SNAPC3: variants seen among roughly 807,000 people sequenced by gnomAD.
SNAPC3 encodes the protein small nuclear RNA activating complex polypeptide 3.
A neutral mutation model predicts 47.7 loss-of-function variants in SNAPC3; 56 were observed. The observed-to-expected ratio is 1.18, with a 90% confidence interval of 0.95 to 1.47. The LOEUF (loss-of-function observed/expected upper bound fraction) is 1.47. Ranked by LOEUF, SNAPC3 falls within the 40% of genes most tolerant of loss-of-function variation. SNAPC3 has a pLI of 0.00. For synonymous variants in SNAPC3, 235 were observed against 189.9 expected, an observed-to-expected ratio of 1.24 and a Z score of -1.95; for missense variants, 665 against 511.3, an observed-to-expected ratio of 1.30 and a Z score of -2.90.
At chr9:15,448,430 C>G (rs1342213582) in intron 5 of SNAPC3, among the ~76,000 whole-genome samples, 2 of 152,218 alleles carry the variant, frequency 1.3e-5, no homozygotes, top group East Asian at 3.8e-4. Context: ...TTCCCTACTT[C>G]ATCCGTTTTG....
intron 3 of SNAPC3, among the ~76,000 whole-genome samples, chr9:15,438,489 T>A (rs1440603280): frequency 6.6e-6 from 1 of 152,114 alleles, no homozygotes; most frequent in East Asian, 1.9e-4. Context: ...CTTTATAATT[T>A]TCATTTTTTT....
intron 5 of SNAPC3, among the ~76,000 whole-genome samples, chr9:15,449,391 A>C (rs1205754054): frequency 6.6e-6 from 1 of 151,892 alleles, no homozygotes; most frequent in Non-Finnish European, 1.5e-5. Context: ...AGAAGGTTTT[A>C]ACCAGGCTTT....
intron 2 of SNAPC3, among the ~76,000 whole-genome samples, chr9:15,428,731 T>C (rs563651877): frequency 9.2e-5 from 14 of 151,884 alleles, no homozygotes; most frequent in African/African-American, 3.4e-4. Context: ...GAATAAATTG[T>C]AAGATACCTA....
intron 3 of SNAPC3, among the ~76,000 whole-genome samples, chr9:15,444,213 CTG>C (rs1373001110): frequency 3.3e-5 from 5 of 152,228 alleles, no homozygotes; most frequent in African/African-American, 1.2e-4. Context: ...GAGTAAATCA[CTG>C]AACCTCTGAG....
At position 15,447,192 on chromosome 9, in the gene SNAPC3, TTGG is replaced by T; in HGVS notation, c.686_688del (p.Gly229del). On this transcript the variant is annotated inframe_deletion, in exon 5 of 9. Coordinates refer to ENST00000380821, the MANE Select transcript of SNAPC3 (RefSeq NM_001039697.2). Reference sequence around the variant, plus strand: ...ATTCGATGTGTCAGTGACCTCCAGATTGGTGGTGAATTCAGCAACACTCCTGAC... The same window carrying T: ...ATTCGATGTGTCAGTGACCTCCAGATTGGTGAATTCAGCAACACTCCTGAC... 1.9e-6 allele frequency: 3 copies of T among 1,613,194 alleles called. No individual in the cohort carries two copies. The highest frequency in any genetic ancestry group is 2.5e-6 in the Non-Finnish European group (3 of 1,179,130).
At chr9:15,466,389 C>T (rs376165703), downstream of SNAPC3, among the ~76,000 whole-genome samples, 1 of 117,650 alleles carries the variant, frequency 8.5e-6, no homozygotes, top group African/African-American at 2.7e-5. Context: ...AAAGAAAAAA[C>T]AACAACAACA....
At chr9:15,425,604 C>G (rs1050726480) in intron 2 of SNAPC3, among the ~76,000 whole-genome samples, 1 of 152,200 alleles carries the variant, frequency 6.6e-6, no homozygotes, top group African/African-American at 2.4e-5. Flanking sequence ...TTTATACTGC[C>G]TTAAACTCTT....
Position 15,423,212 on chromosome 9 carries a change from G to T in SNAPC3, c.314+19G>T. Reference sequence around the variant, plus strand: ...TGTGCGGGTGAGTGCGGAGCAAAGGGGCTCTTGCAGCTTGGGGTCAAACAG... The same window carrying T: ...TGTGCGGGTGAGTGCGGAGCAAAGGTGCTCTTGCAGCTTGGGGTCAAACAG... On this transcript the variant is annotated intron_variant, in intron 1 of 8. Transcript: ENST00000380821. 6.4e-7 allele frequency: 1 copy of T among 1,560,260 alleles called. No individual in the cohort carries two copies. Among genetic ancestry groups the T allele is most frequent in the Non-Finnish European group, 8.6e-7 (1 of 1,163,810 alleles).
At chr9:15,425,517 C>T (rs915993263) in intron 2 of SNAPC3, among the ~76,000 whole-genome samples, 2 of 152,164 alleles carry the variant, frequency 1.3e-5, no homozygotes, top group Non-Finnish European at 2.9e-5. Flanking sequence ...CACACCTTGC[C>T]CATACCACTT....
chr9:15,430,528 C>G (rs1188343011), intron 2 of SNAPC3, among the ~76,000 whole-genome samples: 1 of 152,064 alleles, frequency 6.6e-6, no homozygotes, highest in African/African-American at 2.4e-5. Context: ...ATAAAGATAA[C>G]AGAAATTAAT....
At chr9:15,423,864 G>C (rs911966550) in intron 1 of SNAPC3, 45 bp from the exon 2 acceptor site, 2 of 1,128,660 alleles carry the variant, frequency 1.8e-6, no homozygotes, top group East Asian at 2.7e-5. Context: ...CTGTGAACCA[G>C]ATGCAGAGTC....
intron 3 of SNAPC3, among the ~76,000 whole-genome samples, chr9:15,443,230 G>C (rs1256082114): frequency 6.6e-6 from 1 of 152,164 alleles, no homozygotes. Flanking sequence ...TAACGTCTTT[G>C]TTTAGTGGAC....
chr9:15,433,619 A>G lies in SNAPC3; in HGVS notation c.460A>G (p.Thr154Ala). ...AATAGATCGAGCCTGCAGACAAGAA[A>G]CATTCGTTTATGAGATGGTAATTAA... ...ITIDRACRQETFVYEMESHAI... is the reference protein window; with the variant it reads ...ITIDRACRQEAFVYEMESHAI... Residue 154 changes from threonine to alanine, a missense_variant, in exon 3 of 9, where the codon ACA becomes GCA. Physicochemically the swap from Thr to Ala is moderately conservative, Grantham distance 58 (BLOSUM62 0). Coordinates refer to ENST00000380821, the MANE Select transcript of SNAPC3 (RefSeq NM_001039697.2). 6.2e-7 allele frequency: 1 copy of G among 1,603,786 alleles called. No homozygotes were observed.
At chr9:15,424,542 AAC>A (rs139911765) in intron 2 of SNAPC3, among the ~76,000 whole-genome samples, 5,902 of 152,276 alleles carry the variant, frequency 0.039, 344 homozygotes, top group African/African-American at 0.13. Context: ...AAAAAAGACA[AAC>A]ACAATATAAG....
At chr9:15,434,191 T>C (rs1218821710) in intron 3 of SNAPC3, among the ~76,000 whole-genome samples, 4 of 152,196 alleles carry the variant, frequency 2.6e-5, no homozygotes, top group Non-Finnish European at 5.9e-5. Context: ...AAGTGTTCAA[T>C]TAAGTGGCAA....
rs1412879316 is a variant in SNAPC3, at chr9:15,461,528, C to T, written c.*1662C>T. On this transcript the variant is annotated 3_prime_UTR_variant, in exon 9 of 9. Coordinates refer to ENST00000380821, the MANE Select transcript of SNAPC3 (RefSeq NM_001039697.2). ...ATTTATTCAAATATTTTCTGGGAAC[C>T]TTTATGGGTAGAACATTTAATACTG... The T allele has an allele frequency of 6.6e-6, 1 of 152,146 alleles. No homozygotes were observed. The highest frequency in any genetic ancestry group is 2.4e-5 in the African/African-American group (1 of 41,432). The allele number at this position is 152,146 out of a possible 1,614,324, so 9.4% of individuals were successfully genotyped here.
downstream of SNAPC3, chr9:15,465,392 T>A (rs898593681): frequency 3.1e-5 from 24 of 777,958 alleles, no homozygotes; most frequent in South Asian, 2.1e-4. Context: ...ACAAAGGGAT[T>A]TTCTCCCTCA....
intron 7 of SNAPC3, chr9:15,453,476 CTA>C (rs1026731346): frequency 3.7e-6 from 1 of 272,906 alleles, no homozygotes; most frequent in Non-Finnish European, 6.8e-6. Flanking sequence ...AAAAGTATCT[CTA>C]TTTTGTATTA....
At chr9:15,462,675 T>G (rs953659469), downstream of SNAPC3, 4 of 152,198 alleles carry the variant, frequency 2.6e-5, no homozygotes, top group Non-Finnish European at 5.9e-5. Context: ...AGCTATTTCT[T>G]TAAACATTCT....
Sources: gnomAD v4.1 joint callset for allele counts (sites outside exome capture counted in the v4.1 genomes callset) on GRCh38, gnomAD v4.1.1 for gene constraint, MANE v1.5 for transcripts, NCBI Gene and HGNC (gene_info 2026-07-23, HGNC 2026-07-21) for gene names.